CHN2: variants seen among roughly 807,000 people sequenced by gnomAD.
CHN2 encodes the protein beta-chimaerin.
A neutral mutation model predicts 56.3 loss-of-function variants in CHN2; 35 were observed. The ratio of observed to expected loss-of-function variants is 0.62; its 90% CI spans 0.47 to 0.82. CHN2 has a LOEUF of 0.82. CHN2 is among the 40% of genes least tolerant of loss of function. The probability of loss-of-function intolerance (pLI) is 0.00; values close to 1 mark genes in which losing one functional copy is unlikely to be tolerated. For synonymous variants in CHN2, 210 were observed against 212.8 expected, an observed-to-expected ratio of 0.99 and a Z score of 0.12; for missense variants, 491 against 580.5, an observed-to-expected ratio of 0.85 and a Z score of 1.58.
At chr7:29,250,505 G>A (rs1372706090) in intron 1 of CHN2, among the ~76,000 whole-genome samples, 1 of 152,124 alleles carries the variant, frequency 6.6e-6, no homozygotes, top group Non-Finnish European at 1.5e-5. Flanking sequence ...ATGTAGGAAG[G>A]TACAGAAGAC....
intron 1 of CHN2, among the ~76,000 whole-genome samples, chr7:29,278,964 C>T (rs1416749111): frequency 6.6e-6 from 1 of 151,838 alleles, no homozygotes; most frequent in Non-Finnish European, 1.5e-5. Context: ...GCCTGTCTCC[C>T]TCCAGAGGAA....
chr7:29,283,148 C>A (rs1489181408), intron 1 of CHN2, among the ~76,000 whole-genome samples: 1 of 152,172 alleles, frequency 6.6e-6, no homozygotes, highest in Non-Finnish European at 1.5e-5. Flanking sequence ...CCTGGGAATA[C>A]CGTGTATTCC....
intron 2 of CHN2, among the ~76,000 whole-genome samples, chr7:29,168,111 A>G (rs184896961): frequency 8.5e-5 from 13 of 152,362 alleles, no homozygotes; most frequent in Admixed American, 8.5e-4. Flanking sequence ...ATCATAACAT[A>G]CAGAATATCT....
chr7:29,436,761 T>A (rs947161588), intron 6 of CHN2, among the ~76,000 whole-genome samples: 1 of 152,172 alleles, frequency 6.6e-6, no homozygotes, highest in South Asian at 2.1e-4. Context: ...TGATTCTCTC[T>A]TAATTGGGAT....
At chr7:29,403,321 T>TGGGGGGGGG (rs1802374376) in intron 6 of CHN2, among the ~76,000 whole-genome samples, 1 of 46,888 alleles carries the variant, frequency 2.1e-5, no homozygotes, top group Non-Finnish European at 4.3e-5. Context: ...CTGAGAAGAG[T>TGGGGGGGGG]GGGTGGGGGG....
intron 1 of CHN2, among the ~76,000 whole-genome samples, chr7:29,211,014 T>C (rs938899851): frequency 2.0e-5 from 3 of 151,736 alleles, no homozygotes; most frequent in Non-Finnish European, 4.4e-5. Context: ...AGGTTGTCCC[T>C]GGAGGGTTCT....
intron 6 of CHN2, among the ~76,000 whole-genome samples, chr7:29,411,016 A>G (rs775504868): frequency 6.6e-6 from 1 of 152,082 alleles, no homozygotes; most frequent in African/African-American, 2.4e-5. Flanking sequence ...TGCCTTCCCC[A>G]CCTTCTTACT....
At chr7:29,491,832 A>C (rs371619842) in intron 7 of CHN2, among the ~76,000 whole-genome samples, 1 of 152,350 alleles carries the variant, frequency 6.6e-6, no homozygotes, top group African/African-American at 2.4e-5. Context: ...TCCCAAATTA[A>C]GAGAACTTTA....
intron 9 of CHN2, among the ~76,000 whole-genome samples, chr7:29,503,612 G>A (rs1241693297): frequency 1.3e-5 from 2 of 152,204 alleles, no homozygotes; most frequent in African/African-American, 4.8e-5. Flanking sequence ...AAGAGTATCT[G>A]TCATGGTCAC....
chr7:29,454,637 G>T (rs1784623916), intron 6 of CHN2, among the ~76,000 whole-genome samples: 2 of 152,046 alleles, frequency 1.3e-5, no homozygotes, highest in African/African-American at 4.8e-5. Context: ...TGTGATCTTT[G>T]CCCAGTGCCC....
At chr7:29,232,223 T>A (rs928342988) in intron 1 of CHN2, among the ~76,000 whole-genome samples, 6 of 152,224 alleles carry the variant, frequency 3.9e-5, no homozygotes, top group African/African-American at 1.2e-4. Context: ...CATTTTTTTT[T>A]ATAGTCAGAA....
At chr7:29,413,194 TAATG>T (rs1469798603) in intron 6 of CHN2, among the ~76,000 whole-genome samples, 1 of 152,248 alleles carries the variant, frequency 6.6e-6, no homozygotes, top group Non-Finnish European at 1.5e-5. Context: ...TTTATGAACT[TAATG>T]AAGTCCAAGT....
At position 29,290,908 on chromosome 7, in the gene CHN2, G is replaced by C. The variant is rs564534502; in HGVS notation, c.50-63717G>C. ...AAAAGGAAGTAAAGGACACTCAGAG[G>C]AGAGCCAAGCAGGCAACTTGAGAGA... On this transcript the variant is annotated intron_variant, in intron 1 of 12. Coordinates refer to ENST00000222792, the MANE Select transcript of CHN2 (RefSeq NM_004067.4). Among the ~76,000 whole-genome samples, 5 of 152,246 alleles carry C rather than the reference G, an allele frequency of 3.3e-5. No homozygotes were observed. The South Asian group carries it at 8.3e-4, about 25-fold the overall frequency.
intron 1 of CHN2, among the ~76,000 whole-genome samples, chr7:29,299,262 AC>A (rs1408574943): frequency 6.6e-6 from 1 of 152,152 alleles, no homozygotes; most frequent in African/African-American, 2.4e-5. Flanking sequence ...AAGGAACATA[AC>A]CAGTACTGAT....
At chr7:29,391,074 C>G (rs1383059582) in intron 3 of CHN2, among the ~76,000 whole-genome samples, 1 of 152,170 alleles carries the variant, frequency 6.6e-6, no homozygotes, top group Non-Finnish European at 1.5e-5. Flanking sequence ...GCCTCTCTCT[C>G]TCTCTTTGAC....
intron 1 of CHN2, among the ~76,000 whole-genome samples, chr7:29,272,631 TG>T (rs1484139263): frequency 6.6e-6 from 1 of 152,124 alleles, no homozygotes; most frequent in East Asian, 1.9e-4. Context: ...TTCAGATTTT[TG>T]GGGCTCAGGA....
At chr7:29,176,130 G>A (rs140369845) in intron 2 of CHN2, among the ~76,000 whole-genome samples, 9,161 of 151,810 alleles carry the variant, frequency 0.06, 393 homozygotes, top group South Asian at 0.12. Flanking sequence ...AGCTTACAGT[G>A]AGCCAAGATC....
In CHN2 at chr7:29,370,073, G is replaced by A. The variant is rs1325622286; in HGVS notation, c.144+2086G>A. Among the ~76,000 whole-genome samples the A allele has an allele frequency of 2.0e-5, 3 of 152,296 alleles. No individual in the cohort carries two copies. The South Asian group carries it at 6.2e-4, about 32-fold the overall frequency. On this transcript the variant is annotated intron_variant, in intron 3 of 12. Transcript: ENST00000222792. ...TGTCAGATAGTAACAGGTCAAGTTT[G>A]CTGGAAGAACAGGTGCTGCTCAGAT...
intron 6 of CHN2, among the ~76,000 whole-genome samples, chr7:29,403,422 A>G (rs2128088022): frequency 6.6e-6 from 1 of 152,330 alleles, no homozygotes; most frequent in African/African-American, 2.4e-5. Context: ...TTCCAGACAC[A>G]CCAGCATTTC....
Sources: allele counts gnomAD v4.1 joint callset (sites outside exome capture counted in the v4.1 genomes callset), GRCh38; gene constraint gnomAD v4.1.1; transcripts MANE v1.5; gene names NCBI Gene and HGNC (gene_info 2026-07-23, HGNC 2026-07-21).